Variants in BRINP1 observed in about 807,000 individuals in gnomAD.
BRINP1 encodes the protein BMP/retinoic acid inducible neural specific 1.
In BRINP1, 17 loss-of-function variants were observed where a neutral mutation model predicts 72.9. The ratio of observed to expected loss-of-function variants is 0.23; its 90% CI spans 0.16 to 0.35. The LOEUF (loss-of-function observed/expected upper bound fraction) is 0.35. BRINP1 is among the 10% of genes least tolerant of loss of function. The pLI, the probability that BRINP1 is intolerant of heterozygous loss-of-function variation, is 1.00. For missense variants in BRINP1, 850 were observed against 1,001.6 expected (o/e 0.85, Z 2.04); for synonymous variants, 418 against 378.5 (o/e 1.10, Z -1.21).
chr9:119,219,208 C>T (rs1008863631), intron 5 of BRINP1, among the ~76,000 whole-genome samples: 1 of 152,154 alleles, frequency 6.6e-6, no homozygotes, highest in South Asian at 2.1e-4. Context: ...GACCAAGACA[C>T]TGTCATAATT....
At chr9:119,278,970 T>G in intron 2 of BRINP1, among the ~76,000 whole-genome samples, 1 of 152,002 alleles carries the variant, frequency 6.6e-6, no homozygotes, top group Non-Finnish European at 1.5e-5. Context: ...ACATCCAAAA[T>G]ATCCCAAAAA....
intron 6 of BRINP1, 39 bp downstream of exon 6, chr9:119,213,880 A>C (rs1326384692): frequency 1.3e-6 from 2 of 1,570,400 alleles, no homozygotes; most frequent in African/African-American, 2.7e-5. Context: ...GACTTGGCTC[A>C]AGGCCACTCA....
chr9:119,218,034 C>A lies in BRINP1; in HGVS notation c.686-3879G>T, dbSNP rs962216565. Among the ~76,000 whole-genome samples, 15 of 151,952 alleles carry A rather than the reference C, an allele frequency of 9.9e-5. No homozygotes were observed. The East Asian group carries it at 2.9e-3, about 30-fold the overall frequency. On this transcript the variant is annotated intron_variant, in intron 5 of 7. Transcript: ENST00000265922. ...TTTTTTTCATAGGATTAATTCCTGG[C>A]TGAAATTATCTTTTGAATTTGTTTT...
At chr9:119,177,706 G>A (rs183236825) in intron 7 of BRINP1, among the ~76,000 whole-genome samples, 14 of 152,230 alleles carry the variant, frequency 9.2e-5, no homozygotes, top group Admixed American at 2.6e-4. Flanking sequence ...CCTCGGTGAG[G>A]GAAATAAAAA....
At chr9:119,316,090 T>C (rs2118998998) in intron 1 of BRINP1, among the ~76,000 whole-genome samples, 1 of 152,324 alleles carries the variant, frequency 6.6e-6, no homozygotes, top group South Asian at 2.1e-4. Context: ...ACAATCTATT[T>C]TCTTTCTTGT....
intron 7 of BRINP1, among the ~76,000 whole-genome samples, chr9:119,173,839 A>G (rs961172758): frequency 1.3e-4 from 18 of 141,690 alleles, no homozygotes; most frequent in Admixed American, 1.2e-3. Context: ...ATAATGCCGC[A>G]TATCTACAAC....
intron 1 of BRINP1, among the ~76,000 whole-genome samples, chr9:119,341,057 T>G (rs1831400502): frequency 6.6e-6 from 1 of 152,210 alleles, no homozygotes; most frequent in African/African-American, 2.4e-5. Context: ...GACTTCCTTC[T>G]TCCATATCAC....
intron 7 of BRINP1, among the ~76,000 whole-genome samples, chr9:119,191,018 G>A (rs1249327700): frequency 6.6e-6 from 1 of 151,856 alleles, no homozygotes; most frequent in Non-Finnish European, 1.5e-5. Context: ...CACATTAACA[G>A]AATAAAAGAT....
At chr9:119,204,452 G>A (rs1242511748) in intron 7 of BRINP1, among the ~76,000 whole-genome samples, 2 of 147,178 alleles carry the variant, frequency 1.4e-5, no homozygotes, top group Admixed American at 1.4e-4. Context: ...TTTCTTTGAA[G>A]TAACAATAAA....
chr9:119,172,137 C>A (rs1829419434), intron 7 of BRINP1, among the ~76,000 whole-genome samples: 2 of 151,254 alleles, frequency 1.3e-5, no homozygotes, highest in Non-Finnish European at 2.9e-5. Context: ...AAAATCAGAG[C>A]AGAACTGAAG....
chr9:119,349,790 G>A (rs1164560264), intron 1 of BRINP1, among the ~76,000 whole-genome samples: 1 of 152,166 alleles, frequency 6.6e-6, no homozygotes, highest in Non-Finnish European at 1.5e-5. Context: ...GAAGTGCAGA[G>A]GGGAAAACAC....
At chr9:119,172,483 TAATC>T (rs1279856156) in intron 7 of BRINP1, among the ~76,000 whole-genome samples, 1 of 151,998 alleles carries the variant, frequency 6.6e-6, no homozygotes, top group African/African-American at 2.4e-5. Context: ...ATTGTGGCAA[TAATC>T]AATAGCTTAC....
intron 1 of BRINP1, among the ~76,000 whole-genome samples, chr9:119,348,905 G>A (rs909297236): frequency 6.6e-6 from 1 of 152,170 alleles, no homozygotes; most frequent in Non-Finnish European, 1.5e-5. Context: ...CTCTGGCCGG[G>A]TATGTGTGGT....
chr9:119,322,108 C>T (rs1831195625), intron 1 of BRINP1, among the ~76,000 whole-genome samples: 1 of 152,230 alleles, frequency 6.6e-6, no homozygotes, highest in Non-Finnish European at 1.5e-5. Context: ...AGGGCCACAT[C>T]TCCCAAGCCC....
At chr9:119,363,985 A>C (rs972763868) in intron 1 of BRINP1, among the ~76,000 whole-genome samples, 8 of 151,052 alleles carry the variant, frequency 5.3e-5, no homozygotes, top group African/African-American at 1.2e-4. Context: ...TATTTGTTGA[A>C]TAAATCCTCA....
At chr9:119,308,390 T>C (rs1831021138) in intron 2 of BRINP1, among the ~76,000 whole-genome samples, 1 of 152,188 alleles carries the variant, frequency 6.6e-6, no homozygotes, top group Non-Finnish European at 1.5e-5. Context: ...GGCTTCTCTC[T>C]AAACTCCACT....
chr9:119,306,601 G>A (rs368807232), intron 2 of BRINP1, among the ~76,000 whole-genome samples: 25 of 152,284 alleles, frequency 1.6e-4, no homozygotes, highest in East Asian at 5.8e-4. Context: ...CTTGGTCTAA[G>A]CCGGTTTTTA....
chr9:119,200,487 G>C (rs1829792619), intron 7 of BRINP1, among the ~76,000 whole-genome samples: 1 of 151,998 alleles, frequency 6.6e-6, no homozygotes, highest in South Asian at 2.1e-4. Flanking sequence ...AGCCAGGTAT[G>C]GTGGTGCACA....
chr9:119,255,666 A>G (rs1830438456), intron 2 of BRINP1, among the ~76,000 whole-genome samples: 1 of 152,150 alleles, frequency 6.6e-6, no homozygotes, highest in Admixed American at 6.6e-5. Flanking sequence ...CGAGACAGAA[A>G]GGAGAGGCCA....
Sources: gnomAD v4.1 joint callset for allele counts (sites outside exome capture counted in the v4.1 genomes callset) on GRCh38, gnomAD v4.1.1 for gene constraint, MANE v1.5 for transcripts, NCBI Gene and HGNC (gene_info 2026-07-23, HGNC 2026-07-21) for gene names.